Variants in DNAH3 observed in about 807,000 individuals in gnomAD.
DNAH3 encodes dynein axonemal heavy chain 3.
A neutral mutation model predicts 432.5 loss-of-function variants in DNAH3; 332 were observed. That is an observed-to-expected ratio of 0.77 (90% CI 0.70 to 0.84). The LOEUF (loss-of-function observed/expected upper bound fraction) is 0.84. Among genes scored for constraint, DNAH3 ranks in the 40% least tolerant of loss-of-function variants. DNAH3 has a pLI of 0.00. For synonymous variants in DNAH3, 1,956 were observed against 1,900.2 expected, an observed-to-expected ratio of 1.03 and a Z score of -0.76; for missense variants, 4,861 against 5,114.0, an observed-to-expected ratio of 0.95 and a Z score of 1.51.
chr16:20,936,491 C>T (rs185781684), intron 60 of DNAH3, among the ~76,000 whole-genome samples, 158 bp downstream of exon 60: 28 of 152,238 alleles, frequency 1.8e-4, no homozygotes, highest in African/African-American at 6.3e-4. Flanking sequence ...AAGTCTCCCT[C>T]CTGCTTCTAA....
At position 21,117,395 on chromosome 16, in the gene DNAH3, C is replaced by T. The variant is rs1597410794; in HGVS notation, c.1700-78G>A. 1.3e-5 allele frequency: 13 copies of T among 973,412 alleles called. No homozygotes were observed. The East Asian group carries it at 3.3e-4, about 24-fold the overall frequency. The allele number at this position is 973,412 out of a possible 1,614,324, so 60.3% of individuals were successfully genotyped here. A position where few individuals can be genotyped will look rare whatever the true frequency, so the allele number is the denominator to read the frequency against. On this transcript the variant is annotated intron_variant, in intron 11 of 61. Transcript: ENST00000261383. ...CAAGACTTAAGAAGGGAGATGGTACCCAAATGCAAAGCCTTCTCTAATGCA... is the reference window on the plus strand; with the variant it reads ...CAAGACTTAAGAAGGGAGATGGTACTCAAATGCAAAGCCTTCTCTAATGCA...
intron 28 of DNAH3, 111 bp from the exon 29 acceptor site, chr16:21,051,979 A>AT: frequency 5.5e-6 from 4 of 727,512 alleles, no homozygotes; most frequent in South Asian, 4.4e-5. Flanking sequence ...TCTCCAAACT[A>AT]TTTTATTTTA....
intron 19 of DNAH3, among the ~76,000 whole-genome samples, chr16:21,082,463 A>G (rs911408354): frequency 6.6e-6 from 1 of 152,118 alleles, no homozygotes; most frequent in Non-Finnish European, 1.5e-5. Flanking sequence ...TGATCTCCCA[A>G]AAATGCTGGG....
chr16:21,127,210 A>G (rs545672916), intron 8 of DNAH3, among the ~76,000 whole-genome samples: 1 of 151,966 alleles, frequency 6.6e-6, no homozygotes, highest in African/African-American at 2.4e-5. Context: ...AATTTCAAGA[A>G]GGCAGAGGGA....
chr16:20,970,860 ATTC>A lies in DNAH3; in HGVS notation c.8260-873_8260-871del, dbSNP rs1432592935. On this transcript the variant is annotated intron_variant, in intron 51 of 61. Transcript: ENST00000261383. ...AGTATGGATTTCTTTTCTTTTCTCT[ATTC>A]TTTTTTTTTTTTTTTTTTTGAGACA... Among the ~76,000 whole-genome samples the A allele has an allele frequency of 5.4e-5, 7 of 128,760 alleles. No individual in the cohort carries two copies. The East Asian group carries it at 6.9e-4, about 13-fold the overall frequency. The allele number at this position is 128,760 out of a possible 152,430, so 84.5% of individuals were successfully genotyped here.
At chr16:21,137,273 A>G (rs2092656508) in intron 5 of DNAH3, among the ~76,000 whole-genome samples, 1 of 151,756 alleles carries the variant, frequency 6.6e-6, no homozygotes, top group South Asian at 2.1e-4. Flanking sequence ...AAAAAAAAAA[A>G]AAAAAAGTAA....
intron 23 of DNAH3, 113 bp downstream of exon 23, chr16:21,069,302 T>G (rs754543412): frequency 2.3e-4 from 222 of 946,368 alleles, no homozygotes; most frequent in Non-Finnish European, 3.3e-4. Flanking sequence ...ATAAAAAGAT[T>G]GATTTTCCAA....
At chr16:20,957,725 T>G (rs1400128560) in intron 54 of DNAH3, among the ~76,000 whole-genome samples, 3 of 146,576 alleles carry the variant, frequency 2.0e-5, no homozygotes, top group African/African-American at 7.6e-5. Flanking sequence ...GAGAATCGCT[T>G]GAACCCGGGA....
At chr16:21,039,003 C>T (rs760081766) in intron 33 of DNAH3, among the ~76,000 whole-genome samples, 9 of 152,156 alleles carry the variant, frequency 5.9e-5, no homozygotes, top group Admixed American at 1.3e-4. Context: ...CATTTTGCAA[C>T]GATTATTCAT....
At chr16:20,933,230 A>G (rs755811160) in exon 62 of DNAH3, 1 of 1,614,226 alleles carries the variant, frequency 6.2e-7, no homozygotes, top group Admixed American at 1.7e-5. Flanking sequence ...TGGAAGCTCA[A>G]TGGAGAGGAC....
At chr16:21,097,466 C>T (rs780809576) in exon 18 of DNAH3, 1 of 1,613,902 alleles carries the variant, frequency 6.2e-7, no homozygotes, top group Non-Finnish European at 8.5e-7. Context: ...GTACTCTTCT[C>T]CTTTTCCAAT....
At chr16:20,965,628 C>T (rs370632982) in intron 52 of DNAH3, among the ~76,000 whole-genome samples, 1 of 152,296 alleles carries the variant, frequency 6.6e-6, no homozygotes, top group East Asian at 1.9e-4. Flanking sequence ...TCCATGACCC[C>T]AAGTGCTTCT....
chr16:20,987,722 C>T (rs997636294), exon 46 of DNAH3: 1 of 1,613,988 alleles, frequency 6.2e-7, no homozygotes, highest in Non-Finnish European at 8.5e-7. Flanking sequence ...CACAGCAGGA[C>T]CCCTTGAATC....
chr16:20,979,398 G>C (rs2085749903), exon 50 of DNAH3: 1 of 1,614,022 alleles, frequency 6.2e-7, no homozygotes, highest in Admixed American at 1.7e-5. Context: ...GCCACCTCTT[G>C]CCTCTTGCTA....
intron 44 of DNAH3, among the ~76,000 whole-genome samples, chr16:20,989,903 C>CCGGGGCCGG (rs946348929): frequency 8.5e-5 from 13 of 152,236 alleles, no homozygotes; most frequent in Non-Finnish European, 1.3e-4. Context: ...CCCTCATTGC[C>CCGGGGCCGG]CGGGGCCGGC....
chr16:21,007,654 G>A (rs1487409705), intron 41 of DNAH3, among the ~76,000 whole-genome samples: 1 of 152,034 alleles, frequency 6.6e-6, no homozygotes, highest in Non-Finnish European at 1.5e-5. Flanking sequence ...CACCCATTCT[G>A]TGGGATTTTT....
At chr16:20,963,221 C>G in intron 53 of DNAH3, 63 bp downstream of exon 53, 1 of 1,484,046 alleles carries the variant, frequency 6.7e-7, no homozygotes, top group Non-Finnish European at 9.2e-7. Flanking sequence ...AAGGGACGGG[C>G]TACTGATATC....
intron 19 of DNAH3, among the ~76,000 whole-genome samples, chr16:21,082,833 A>C (rs1597338174): frequency 9.6e-6 from 1 of 104,426 alleles, no homozygotes; most frequent in Admixed American, 1.0e-4. Context: ...ATCTCAAAAA[A>C]AAAAAAAAAT....
At chr16:21,134,958 G>A (rs537269724) in intron 6 of DNAH3, among the ~76,000 whole-genome samples, 4 of 152,234 alleles carry the variant, frequency 2.6e-5, no homozygotes, top group East Asian at 1.9e-4. Flanking sequence ...AAAGTGCTGC[G>A]ATTATAGGTG....
Sources: gnomAD v4.1 joint callset for allele counts (sites outside exome capture counted in the v4.1 genomes callset) on GRCh38, gnomAD v4.1.1 for gene constraint, MANE v1.5 for transcripts, NCBI Gene and HGNC (gene_info 2026-07-23, HGNC 2026-07-21) for gene names.